The following PALD1 variants were observed in gnomAD, a reference collection of about 807,000 sequenced individuals.
PALD1 encodes paladin.
A neutral mutation model predicts 96.0 loss-of-function variants in PALD1; 57 were observed. The ratio of observed to expected loss-of-function variants is 0.59; its 90% CI spans 0.48 to 0.74. PALD1 has a LOEUF of 0.74. PALD1 is among the 30% of genes least tolerant of loss of function. The pLI is 0.00. For missense variants in PALD1, 1,063 were observed against 1,143.7 expected, an observed-to-expected ratio of 0.93 and a Z score of 1.02; for synonymous variants, 464 against 473.6, an observed-to-expected ratio of 0.98 and a Z score of 0.26.
intron 1 of PALD1, among the ~76,000 whole-genome samples, chr10:70,514,838 G>C (rs986874593): frequency 6.6e-6 from 1 of 152,144 alleles, no homozygotes; most frequent in Non-Finnish European, 1.5e-5. Context: ...GAGGTGGGTG[G>C]GGTGAGGGTT....
intron 1 of PALD1, among the ~76,000 whole-genome samples, chr10:70,506,503 G>A (rs112197196): frequency 6.6e-6 from 1 of 152,182 alleles, no homozygotes; most frequent in Admixed American, 6.5e-5. Flanking sequence ...TGCCTGGCAC[G>A]CTCTTGGAGT....
chr10:70,546,572 C>T lies in PALD1; in HGVS notation c.2122-734C>T, dbSNP rs201152970. Reference sequence around the variant, plus strand: ...CTGAAAATCTGTGTAGTGTGCAAGACATTAAGTTGTGGATTGGTGGGGCTT... The same window carrying T: ...CTGAAAATCTGTGTAGTGTGCAAGATATTAAGTTGTGGATTGGTGGGGCTT... On this transcript the variant is annotated intron_variant, in intron 17 of 19. Transcript: ENST00000263563. Among the ~76,000 whole-genome samples, 11 of 152,174 alleles carry T rather than the reference C, an allele frequency of 7.2e-5. No individual in the cohort carries two copies. In the East Asian group the frequency reaches 2.1e-3, roughly 29 times the overall value.
At chr10:70,501,542 A>G (rs1846293636) in intron 1 of PALD1, among the ~76,000 whole-genome samples, 1 of 152,178 alleles carries the variant, frequency 6.6e-6, no homozygotes, top group African/African-American at 2.4e-5. Context: ...GCGTTCCAGC[A>G]GTGGCACCTC....
chr10:70,484,720 G>T (rs1008310379), intron 1 of PALD1, among the ~76,000 whole-genome samples: 9 of 151,952 alleles, frequency 5.9e-5, no homozygotes, highest in Admixed American at 1.3e-4. Flanking sequence ...TGTGTTTTTA[G>T]TATAGATGGG....
chr10:70,509,097 C>T (rs996330320), intron 1 of PALD1, among the ~76,000 whole-genome samples: 2 of 152,186 alleles, frequency 1.3e-5, no homozygotes, highest in African/African-American at 4.8e-5. Flanking sequence ...TGTTACTCAC[C>T]CTGGGCATCT....
chr10:70,533,180 T>C (rs1847032011), intron 7 of PALD1, 110 bp downstream of exon 7: 1 of 836,698 alleles, frequency 1.2e-6, no homozygotes, highest in South Asian at 1.5e-5. Context: ...CTTCATTCTG[T>C]GTTGTGTATG....
At chr10:70,472,424 C>A in the PALD1 span, among the ~76,000 whole-genome samples, 1 of 152,078 alleles carries the variant, frequency 6.6e-6, no homozygotes, top group Non-Finnish European at 1.5e-5. Context: ...CCATGCCTGG[C>A]TAATTTTTGT....
chr10:70,522,084 A>G (rs1247033022), intron 1 of PALD1, among the ~76,000 whole-genome samples: 1 of 152,012 alleles, frequency 6.6e-6, no homozygotes. Context: ...TTTTGAAGAG[A>G]CTCATCAGTG....
intron 10 of PALD1, 146 bp downstream of exon 10, chr10:70,534,989 G>T (rs1847079498): frequency 6.2e-6 from 4 of 649,548 alleles, no homozygotes; most frequent in Non-Finnish European, 8.4e-6. Context: ...AGAGGAAGGG[G>T]AGATAGGGGC....
intron 1 of PALD1, among the ~76,000 whole-genome samples, chr10:70,488,841 G>A (rs1846053098): frequency 6.6e-6 from 1 of 151,284 alleles, no homozygotes; most frequent in Non-Finnish European, 1.5e-5. Flanking sequence ...AGCCTCTGTC[G>A]TGACCCGTCC....
At chr10:70,498,601 A>T (rs1340891842) in intron 1 of PALD1, among the ~76,000 whole-genome samples, 6 of 144,942 alleles carry the variant, frequency 4.1e-5, no homozygotes, top group African/African-American at 1.3e-4. Flanking sequence ...TTTTTTTTTG[A>T]GGCTGTAATT....
In PALD1 at chr10:70,539,804, G is replaced by T; in HGVS notation, c.1908+42G>T. Reference sequence around the variant, plus strand: ...GGCTGAGGCCTCTGGGGAGGGACAGGAGGCCTCCCTGTCTCCCCTCTGGTC... The same window carrying T: ...GGCTGAGGCCTCTGGGGAGGGACAGTAGGCCTCCCTGTCTCCCCTCTGGTC... On this transcript the variant is annotated intron_variant, in intron 15 of 19. Coordinates refer to ENST00000263563, the MANE Select transcript of PALD1 (RefSeq NM_014431.3). This position sits in a 1 kb window ranked among gnomAD's most constrained non-coding sequence, Gnocchi z 4.5. 2 of 1,537,094 alleles carry T rather than the reference G, an allele frequency of 1.3e-6. No individual in the cohort carries two copies. Among genetic ancestry groups the T allele is most frequent in the South Asian group, 1.1e-5 (1 of 87,044 alleles).
chr10:70,550,199 A>G (rs12782497), intron 18 of PALD1, among the ~76,000 whole-genome samples: 64,841 of 152,064 alleles, frequency 0.43, 14,334 homozygotes, highest in East Asian at 0.8. Context: ...CCATCCCTAG[A>G]GAGTCTGATT....
chr10:70,515,161 T>G (rs1366814327), intron 1 of PALD1, among the ~76,000 whole-genome samples: 3 of 151,678 alleles, frequency 2.0e-5, no homozygotes, highest in Non-Finnish European at 4.4e-5. Context: ...TGGATCAGAT[T>G]CAAAAGGGAA....
intron 16 of PALD1, 26 bp from the exon 17 acceptor site, chr10:70,541,437 C>T (rs750423152): frequency 6.2e-7 from 1 of 1,610,312 alleles, no homozygotes; most frequent in Non-Finnish European, 8.5e-7. Flanking sequence ...GAGGGGGCTT[C>T]TGTCTCAGCA....
At chr10:70,541,428 A>AG in intron 16 of PALD1, 35 bp from the exon 17 acceptor site, 4 of 1,603,008 alleles carry the variant, frequency 2.5e-6, no homozygotes, top group Non-Finnish European at 3.4e-6. Context: ...TGGCGTTGGG[A>AG]GGGGGCTTCT....
At position 70,537,862 on chromosome 10, in the gene PALD1, C is replaced by T. The variant is rs1356675362; in HGVS notation, c.1279C>T (p.Arg427Ter). Residue 427 changes from arginine to a stop codon, truncating the protein, a stop_gained, in exon 11 of 20, where the codon CGA (arginine) becomes TGA (stop). Transcript: ENST00000263563. LOFTEE classifies it high-confidence loss of function. ...VWQRALWSLE[R>*]YFYLILFNYY... ...GCAGAGGGCGCTGTGGAGCCTGGAG[C>T]GATACTTCTACCTGATCCTGTTTAA... is the stretch of plus-strand genomic sequence containing the variant. The T allele has an allele frequency of 5.0e-6, 8 of 1,613,826 alleles. No homozygotes were observed. The Admixed American group carries it at 5.0e-5, about 10-fold the overall frequency.
chr10:70,471,925 C>T, the PALD1 span, among the ~76,000 whole-genome samples: 5 of 152,200 alleles, frequency 3.3e-5, no homozygotes, highest in African/African-American at 1.2e-4. Context: ...TGAACCCTGG[C>T]CAGTGACCTT....
At chr10:70,482,700 GCTCCCTCC>G (rs1221594432) in intron 1 of PALD1, among the ~76,000 whole-genome samples, 6 of 152,088 alleles carry the variant, frequency 3.9e-5, no homozygotes, top group African/African-American at 1.4e-4. Context: ...CTGAATTTCT[GCTCCCTCC>G]CTCATTAGCC....
Sources: allele counts gnomAD v4.1 joint callset (sites outside exome capture counted in the v4.1 genomes callset), GRCh38; gene constraint gnomAD v4.1.1; non-coding constraint Gnocchi (gnomAD v3.1); transcripts MANE v1.5; gene names NCBI Gene and HGNC (gene_info 2026-07-23, HGNC 2026-07-21).